Variants in IL26 observed in about 807,000 individuals in gnomAD.
IL26 encodes interleukin 26, also known as interleukin-26.
A neutral mutation model predicts 21.7 loss-of-function variants in IL26; 23 were observed. That is an observed-to-expected ratio of 1.06 (90% CI 0.76 to 1.50). The LOEUF (loss-of-function observed/expected upper bound fraction) is 1.50. IL26 is among the 40% of genes most tolerant of loss of function. The pLI is 0.00. For missense variants in IL26, 204 were observed against 196.0 expected (o/e 1.04, Z -0.24); for synonymous variants, 63 against 67.8 (o/e 0.93, Z 0.34).
intron 3 of IL26, among the ~76,000 whole-genome samples, chr12:68,220,791 C>T (rs942490299): frequency 1.4e-4 from 22 of 152,168 alleles, no homozygotes; most frequent in African/African-American, 4.1e-4. Flanking sequence ...CATGCGCCAC[C>T]GCGCCTGGCT....
At chr12:68,222,290 T>A (rs1049678755) in intron 3 of IL26, among the ~76,000 whole-genome samples, 11 of 152,340 alleles carry the variant, frequency 7.2e-5, no homozygotes, top group Non-Finnish European at 1.6e-4. Flanking sequence ...TTTGCTTTTT[T>A]AAAATTATTC....
intron 3 of IL26, among the ~76,000 whole-genome samples, chr12:68,223,046 T>C (rs77386310): frequency 0.013 from 2,017 of 152,254 alleles, 60 homozygotes; most frequent in African/African-American, 0.047. Flanking sequence ...GCCAGAAATA[T>C]AAAATTATGT....
chr12:68,214,623 G>A (rs1399782428), intron 3 of IL26, among the ~76,000 whole-genome samples: 1 of 152,030 alleles, frequency 6.6e-6, no homozygotes, highest in African/African-American at 2.4e-5. Context: ...TTGGCTTGTA[G>A]TCTATCTGAT....
chr12:68,204,453 G>C (rs1868477971), intron 3 of IL26, among the ~76,000 whole-genome samples: 1 of 152,036 alleles, frequency 6.6e-6, no homozygotes, highest in African/African-American at 2.4e-5. Context: ...AGGATTTAAA[G>C]ATTTAACACT....
chr12:68,207,875 A>C (rs1057407929), intron 3 of IL26, among the ~76,000 whole-genome samples: 1 of 145,098 alleles, frequency 6.9e-6, no homozygotes, highest in African/African-American at 2.4e-5. Flanking sequence ...AGACTAGTAC[A>C]TACATATATT....
chr12:68,223,507 A>G (rs1319020459), intron 3 of IL26, among the ~76,000 whole-genome samples: 1 of 152,216 alleles, frequency 6.6e-6, no homozygotes, highest in Non-Finnish European at 1.5e-5. Context: ...TGTGTTCTCT[A>G]GCTATTTGGG....
At chr12:68,205,661 G>A (rs1454363865) in intron 3 of IL26, among the ~76,000 whole-genome samples, 1 of 152,094 alleles carries the variant, frequency 6.6e-6, no homozygotes, top group African/African-American at 2.4e-5. Context: ...AGGGGAGGCA[G>A]GAGAGGCAGG....
rs11571002 is a variant in IL26 at position 68,219,961 on chromosome 12, A to T, written c.363+5188T>A. On this transcript the variant is annotated intron_variant, in intron 3 of 4. Coordinates refer to ENST00000229134, the MANE Select transcript of IL26 (RefSeq NM_018402.2). The stretch of plus-strand genomic sequence containing the variant: ...AATTATCTGGCTATAAATTTGGTGA[A>T]TTTGATGAGATGAATAAAATCACTG... Among the ~76,000 whole-genome samples the T allele has an allele frequency of 3.5e-3, 526 of 152,148 alleles. 3 individuals carry two copies. The highest frequency in any genetic ancestry group is 0.012 in the African/African-American group (510 of 41,568).
chr12:68,204,288 C>T (rs1258168794), intron 3 of IL26, among the ~76,000 whole-genome samples: 2 of 151,854 alleles, frequency 1.3e-5, no homozygotes, highest in Admixed American at 6.6e-5. Flanking sequence ...GGAATACAGG[C>T]GCCCTCCACC....
chr12:68,204,717 C>T (rs577486394), intron 3 of IL26, among the ~76,000 whole-genome samples: 1 of 152,202 alleles, frequency 6.6e-6, no homozygotes, highest in East Asian at 1.9e-4. Flanking sequence ...GCCAGTGTTG[C>T]CACACAACTG....
chr12:68,208,544 G>T (rs190516678), intron 3 of IL26, among the ~76,000 whole-genome samples: 3 of 152,186 alleles, frequency 2.0e-5, no homozygotes, highest in Admixed American at 6.5e-5. Flanking sequence ...TGTGGCCCAG[G>T]CTGGAGTGCA....
chr12:68,213,160 GTTCTT>G (rs11570937), intron 3 of IL26, among the ~76,000 whole-genome samples: 11,228 of 151,884 alleles, frequency 0.074, 672 homozygotes, highest in African/African-American at 0.16. Flanking sequence ...TTTGTTCTTG[GTTCTT>G]TTCATGTATC....
intron 3 of IL26, among the ~76,000 whole-genome samples, chr12:68,216,194 G>A (rs1868874795): frequency 6.6e-6 from 1 of 151,920 alleles, no homozygotes; most frequent in East Asian, 2.0e-4. Flanking sequence ...AGGAGGCTGA[G>A]GCAGGGGAAT....
At chr12:68,221,691 A>G (rs1869050545) in intron 3 of IL26, among the ~76,000 whole-genome samples, 1 of 152,224 alleles carries the variant, frequency 6.6e-6, no homozygotes, top group South Asian at 2.1e-4. Context: ...CTAGCTGACA[A>G]CATGTGATCC....
chr12:68,205,062 C>T (rs1340724821), intron 3 of IL26, among the ~76,000 whole-genome samples: 1 of 152,130 alleles, frequency 6.6e-6, no homozygotes, highest in Non-Finnish European at 1.5e-5. Context: ...GGACCAGAGG[C>T]AAATTATTGG....
intron 3 of IL26, among the ~76,000 whole-genome samples, chr12:68,211,529 G>A (rs1405486217): frequency 5.1e-4 from 77 of 152,126 alleles, no homozygotes; most frequent in Admixed American, 5.0e-3. Flanking sequence ...CACCAACAGT[G>A]TGCCAGGGTT....
intron 3 of IL26, among the ~76,000 whole-genome samples, chr12:68,212,907 A>G (rs1423087502): frequency 6.6e-6 from 1 of 152,054 alleles, no homozygotes; most frequent in Admixed American, 6.6e-5. Context: ...ATTTGCTGTG[A>G]CTAGGACTTT....
Position 68,225,654 on chromosome 12 carries a change from T to C in IL26, c.103A>G (p.Arg35Gly), listed in dbSNP as rs1869224774. The change falls in exon 1 of 5, where the codon AGG becomes GGG. Residue 35 changes from arginine to glycine, a missense_variant. Coordinates refer to ENST00000229134, the MANE Select transcript of IL26 (RefSeq NM_018402.2). The part of the protein sequence containing the change: ...QSSFTKSCYP[R>G]GTLSQAVDAL... The stretch of plus-strand genomic sequence containing the variant: ...TCAACAGCTTGGGACAATGTTCCCC[T>C]TGGGTAACAACTTTTGGTGAAGGAA... 1 of 1,614,050 alleles carries C rather than the reference T, an allele frequency of 6.2e-7. No homozygotes were observed. Among genetic ancestry groups the C allele is most frequent in the Non-Finnish European group, 8.5e-7 (1 of 1,179,918 alleles).
chr12:68,225,532 C>A (rs763264113), intron 1 of IL26, 32 bp from the exon 2 acceptor site: 1 of 1,602,332 alleles, frequency 6.2e-7, no homozygotes. Context: ...TAAGTTGTAT[C>A]CAAGATTGTA....
Sources: gnomAD v4.1 joint callset for allele counts (sites outside exome capture counted in the v4.1 genomes callset) on GRCh38, gnomAD v4.1.1 for gene constraint, MANE v1.5 for transcripts, NCBI Gene and HGNC (gene_info 2026-07-23, HGNC 2026-07-21) for gene names.